Variants in MS4A18 observed in about 807,000 individuals in gnomAD.
The protein encoded by MS4A18 is membrane-spanning 4-domains subfamily A member 18.
MS4A18 carries 27 observed loss-of-function variants against 13.1 expected under a neutral mutation model. The ratio of observed to expected loss-of-function variants is 2.06; its 90% CI spans 1.52 to 2.84. The LOEUF is 2.84. Ranked by LOEUF, MS4A18 falls within the 30% of genes most tolerant of loss-of-function variation. MS4A18 has a pLI of 0.00. For missense variants in MS4A18, 307 were observed against 196.4 expected (o/e 1.56, Z -3.37); for synonymous variants, 126 against 76.5 (o/e 1.65, Z -3.38).
chr11:60,743,100 A>G (rs1214076589), intron 5 of MS4A18, among the ~76,000 whole-genome samples: 1 of 152,174 alleles, frequency 6.6e-6, no homozygotes. Flanking sequence ...TCCCAAACCC[A>G]ATGCATGTGT....
At chr11:60,744,505 A>C (rs2134684329), downstream of MS4A18, among the ~76,000 whole-genome samples, 1 of 152,346 alleles carries the variant, frequency 6.6e-6, no homozygotes, top group East Asian at 1.9e-4. Flanking sequence ...TACAATTCAC[A>C]AAAGGAAAAA....
intron 2 of MS4A18, among the ~76,000 whole-genome samples, chr11:60,734,764 ATTTTC>A (rs1156795869): frequency 1.7e-4 from 25 of 148,090 alleles, no homozygotes; most frequent in African/African-American, 3.7e-4. Context: ...AACAATATGA[ATTTTC>A]TTTTCTTTTC....
At chr11:60,730,386 G>A (rs1853236984) in intron 1 of MS4A18, among the ~76,000 whole-genome samples, 1 of 152,226 alleles carries the variant, frequency 6.6e-6, no homozygotes, top group Non-Finnish European at 1.5e-5. Context: ...CCAACTCTTA[G>A]TATGGAGACT....
intron 2 of MS4A18, among the ~76,000 whole-genome samples, chr11:60,734,729 G>A (rs528318275): frequency 1.2e-4 from 19 of 152,124 alleles, no homozygotes; most frequent in African/African-American, 4.6e-4. Flanking sequence ...ATGATAAAAG[G>A]AGATCTTGGG....
At chr11:60,724,918 C>T (rs1004854938), upstream of MS4A18, among the ~76,000 whole-genome samples, 1 of 152,208 alleles carries the variant, frequency 6.6e-6, no homozygotes, top group Non-Finnish European at 1.5e-5. Context: ...GGGGTTCAGA[C>T]ATAGGGTAGT....
chr11:60,735,500 A>ATTTT (rs56136215), intron 2 of MS4A18, among the ~76,000 whole-genome samples: 8 of 110,086 alleles, frequency 7.3e-5, no homozygotes, highest in East Asian at 2.7e-4. Flanking sequence ...TGCCCGGCTA[A>ATTTT]TTTTTTTTTT....
At chr11:60,734,756 C>A (rs1012400287) in intron 2 of MS4A18, among the ~76,000 whole-genome samples, 1 of 150,880 alleles carries the variant, frequency 6.6e-6, no homozygotes, top group African/African-American at 2.4e-5. Context: ...GGTTGCACAA[C>A]AATATGAATT....
chr11:60,736,885 A>C, intron 2 of MS4A18, 93 bp from the exon 4 acceptor site: 1 of 668,694 alleles, frequency 1.5e-6, no homozygotes, highest in Non-Finnish European at 2.7e-6. Flanking sequence ...CATAGAACAT[A>C]AAGATTGAGA....
chr11:60,734,875 G>T (rs1245095280), intron 2 of MS4A18, among the ~76,000 whole-genome samples: 1 of 151,370 alleles, frequency 6.6e-6, no homozygotes, highest in East Asian at 1.9e-4. Context: ...TCTGCCTCCT[G>T]GGTTCAAGAA....
exon 6 of MS4A18, chr11:60,743,768 G>A: frequency 1.4e-6 from 1 of 702,334 alleles, no homozygotes; most frequent in Middle Eastern, 2.3e-4. Context: ...GCCACCAATG[G>A]TCCTGTCAAT....
chr11:60,743,300 G>A (rs1241163851), intron 5 of MS4A18, among the ~76,000 whole-genome samples: 1 of 152,228 alleles, frequency 6.6e-6, no homozygotes, highest in Non-Finnish European at 1.5e-5. Flanking sequence ...TTGGTGAGTT[G>A]CCTGGTGGCT....
chr11:60,735,209 A>G (rs1853316074), intron 2 of MS4A18, among the ~76,000 whole-genome samples: 1 of 152,226 alleles, frequency 6.6e-6, no homozygotes, highest in South Asian at 2.1e-4. Flanking sequence ...TAAAAAATGA[A>G]CACCTACGTG....
At chr11:60,726,642 A>G (rs1034369134), upstream of MS4A18, among the ~76,000 whole-genome samples, 6 of 151,998 alleles carry the variant, frequency 3.9e-5, no homozygotes, top group Admixed American at 3.9e-4. Context: ...ATTAATACTA[A>G]ATCTAATAGT....
chr11:60,730,962 C>T (rs766521936), intron 1 of MS4A18, among the ~76,000 whole-genome samples: 1 of 152,130 alleles, frequency 6.6e-6, no homozygotes, highest in East Asian at 1.9e-4. Flanking sequence ...GGTGTGGTGG[C>T]GGGTGCCTGT....
chr11:60,725,677 C>A (rs562652696), upstream of MS4A18, among the ~76,000 whole-genome samples: 1 of 152,214 alleles, frequency 6.6e-6, no homozygotes. Context: ...CAGAGTATAA[C>A]ATTTAGCACA....
At chr11:60,734,176 A>G (rs1178425683) in intron 2 of MS4A18, among the ~76,000 whole-genome samples, 2 of 152,132 alleles carry the variant, frequency 1.3e-5, no homozygotes, top group Non-Finnish European at 1.5e-5. Context: ...GGATCACCTG[A>G]GCCCAGGAGG....
intron 2 of MS4A18, among the ~76,000 whole-genome samples, chr11:60,736,423 T>C (rs1853340727): frequency 6.6e-6 from 1 of 152,076 alleles, no homozygotes. Context: ...ACAGAGCTCT[T>C]ACTGCTTCTG....
At position 60,735,336 on chromosome 11, in the gene MS4A18, T is replaced by C. The variant is rs1458512517; in HGVS notation, c.592-1642T>C. Among the ~76,000 whole-genome samples the C allele has an allele frequency of 1.4e-4, 3 of 20,978 alleles. No individual in the cohort carries two copies. In the East Asian group the frequency reaches 4.2e-3, roughly 29 times the overall value. 13.8% of individuals were successfully genotyped at this position (20,978 alleles called of 152,430 possible). A position where few individuals can be genotyped will look rare whatever the true frequency, so the allele number is the denominator to read the frequency against. ...CACTATTTTCAATTTAATGTTTTTC[T>C]TTTTTTTTTTTTTTTGAGACGGAGT... On this transcript the variant is annotated intron_variant, in intron 2 of 5. Transcript: ENST00000529108.
chr11:60,736,354 AAAGTGCTGGAGGAACGT>A (rs1345739185), intron 2 of MS4A18, among the ~76,000 whole-genome samples: 1 of 151,902 alleles, frequency 6.6e-6, no homozygotes, highest in Non-Finnish European at 1.5e-5. Flanking sequence ...TCATAGCCAG[AAAGTGCTGGAGGAACGT>A]CCTGAGCCCA....
Sources: allele counts gnomAD v4.1 joint callset (sites outside exome capture counted in the v4.1 genomes callset), GRCh38; gene constraint gnomAD v4.1.1; transcripts MANE v1.5; gene names NCBI Gene and HGNC (gene_info 2026-07-23, HGNC 2026-07-21).